The following TAFA1 variants were observed in gnomAD, a reference collection of about 807,000 sequenced individuals.
TAFA1 encodes the protein chemokine-like protein TAFA-1.
TAFA1 carries 4 observed loss-of-function variants against 18.5 expected under a neutral mutation model. That is an observed-to-expected ratio of 0.22 (90% CI 0.11 to 0.49). The LOEUF (loss-of-function observed/expected upper bound fraction) is 0.49. Among genes scored for constraint, TAFA1 ranks in the 20% least tolerant of loss-of-function variants. TAFA1 has a pLI of 0.98. For missense variants in TAFA1, 147 were observed against 169.0 expected (o/e 0.87, Z 0.72); for synonymous variants, 56 against 55.2 (o/e 1.01, Z -0.06).
intron 2 of TAFA1, among the ~76,000 whole-genome samples, chr3:68,048,079 G>C (rs933966874): frequency 6.6e-6 from 1 of 152,042 alleles, no homozygotes; most frequent in African/African-American, 2.4e-5. Context: ...CCCCAGAACT[G>C]CCTGTTTCCT....
chr3:68,003,747 T>G (rs1002337956), upstream of TAFA1, among the ~76,000 whole-genome samples: 5 of 152,158 alleles, frequency 3.3e-5, no homozygotes, highest in African/African-American at 1.2e-4. Context: ...ATTTCTTCAT[T>G]TGATGCTGAA....
chr3:68,322,493 A>T (rs1332379451), intron 2 of TAFA1, among the ~76,000 whole-genome samples: 4 of 152,138 alleles, frequency 2.6e-5, no homozygotes, highest in Non-Finnish European at 4.4e-5. Context: ...CCAGTTTTGG[A>T]GAAGTTACAT....
chr3:68,507,537 A>G (rs2072779189), intron 3 of TAFA1, among the ~76,000 whole-genome samples: 1 of 152,076 alleles, frequency 6.6e-6, no homozygotes, highest in South Asian at 2.1e-4. Context: ...CCTATACTTA[A>G]GCTGTGTTTG....
intron 2 of TAFA1, among the ~76,000 whole-genome samples, chr3:68,070,723 T>A (rs2064743214): frequency 6.6e-6 from 1 of 152,240 alleles, no homozygotes; most frequent in South Asian, 2.1e-4. Flanking sequence ...AATGTTTTGC[T>A]GCTTAGAAAT....
chr3:68,456,926 A>G (rs1038010735), intron 3 of TAFA1, among the ~76,000 whole-genome samples: 3 of 152,172 alleles, frequency 2.0e-5, no homozygotes, highest in Admixed American at 1.3e-4. Context: ...GAACACTTCA[A>G]CCATCACTAG....
chr3:68,368,371 C>T (rs1262037011), intron 2 of TAFA1, among the ~76,000 whole-genome samples: 2 of 152,292 alleles, frequency 1.3e-5, no homozygotes, highest in Admixed American at 1.3e-4. Flanking sequence ...GTTTCTCAGT[C>T]CCTGGTGGGA....
intron 2 of TAFA1, among the ~76,000 whole-genome samples, chr3:68,321,821 C>A (rs982849618): frequency 3.3e-5 from 5 of 152,188 alleles, no homozygotes; most frequent in African/African-American, 1.2e-4. Flanking sequence ...CAATAGTCTG[C>A]CATTTTAAAG....
intron 2 of TAFA1, among the ~76,000 whole-genome samples, chr3:68,409,664 C>T (rs1281451892): frequency 6.6e-6 from 1 of 152,108 alleles, no homozygotes; most frequent in African/African-American, 2.4e-5. Flanking sequence ...CAGACTAATA[C>T]AATCACCAAC....
intron 3 of TAFA1, among the ~76,000 whole-genome samples, chr3:68,447,625 A>G (rs1041805071): frequency 6.6e-6 from 1 of 152,212 alleles, no homozygotes; most frequent in Non-Finnish European, 1.5e-5. Context: ...GGTAGTTGAA[A>G]ATTTTAAAAA....
chr3:68,384,824 ACTTT>A (rs58640476), intron 2 of TAFA1, among the ~76,000 whole-genome samples: 16,646 of 151,954 alleles, frequency 0.11, 1,057 homozygotes, highest in East Asian at 0.29. Flanking sequence ...GTGTTCAAGA[ACTTT>A]CTTTATGAAT....
intron 2 of TAFA1, among the ~76,000 whole-genome samples, chr3:68,402,278 T>C (rs1182626496): frequency 6.6e-6 from 1 of 152,036 alleles, no homozygotes; most frequent in Admixed American, 6.6e-5. Context: ...CTGGAGAGGG[T>C]CTGTTAAGGG....
chr3:68,277,472 G>T (rs1423934252), intron 2 of TAFA1, among the ~76,000 whole-genome samples: 1 of 151,968 alleles, frequency 6.6e-6, no homozygotes, highest in Non-Finnish European at 1.5e-5. Context: ...CCAGGTTCCA[G>T]ACTGGAAAAG....
intron 2 of TAFA1, among the ~76,000 whole-genome samples, chr3:68,370,500 A>ATG (rs2069681900): frequency 2.0e-5 from 2 of 98,282 alleles, no homozygotes; most frequent in African/African-American, 7.5e-5. Context: ...ATATATATAT[A>ATG]TATATATATA....
rs893341263 is a variant in TAFA1 at position 68,309,176 on chromosome 3, A to C, written c.119-108104A>C. On this transcript the variant is annotated intron_variant, in intron 2 of 4. Transcript: ENST00000478136. ...CCTGAAAGCTCTGTAAAAGTGAAATATTTGTCTATTCTGTTTACCACTGGA... is the reference window on the plus strand; with the variant it reads ...CCTGAAAGCTCTGTAAAAGTGAAATCTTTGTCTATTCTGTTTACCACTGGA... Among the ~76,000 whole-genome samples the C allele has an allele frequency of 2.6e-5, 4 of 152,194 alleles. No individual in the cohort carries two copies. In the East Asian group the frequency reaches 5.8e-4, roughly 22 times the overall value.
At chr3:67,999,213 C>T in the TAFA1 span, among the ~76,000 whole-genome samples, 1 of 151,760 alleles carries the variant, frequency 6.6e-6, no homozygotes, top group Non-Finnish European at 1.5e-5. Context: ...GAACATCTTC[C>T]ACACTGCCGA....
intron 2 of TAFA1, among the ~76,000 whole-genome samples, chr3:68,373,389 A>G (rs183131273): frequency 6.6e-6 from 1 of 152,198 alleles, no homozygotes; most frequent in East Asian, 1.9e-4. Flanking sequence ...GTAAGTGGCA[A>G]AAGTGAGATT....
chr3:68,518,667 T>A (rs1248011395), intron 3 of TAFA1, among the ~76,000 whole-genome samples: 1 of 152,158 alleles, frequency 6.6e-6, no homozygotes. Context: ...AACCAACTAA[T>A]TGGCTGTTTC....
At chr3:68,202,760 T>A (rs1452979516) in intron 2 of TAFA1, among the ~76,000 whole-genome samples, 5 of 151,752 alleles carry the variant, frequency 3.3e-5, no homozygotes, top group African/African-American at 1.2e-4. Context: ...AAATAAGTAT[T>A]AGATATCCTA....
chr3:68,082,674 G>T (rs561336977), intron 2 of TAFA1, among the ~76,000 whole-genome samples: 1 of 152,126 alleles, frequency 6.6e-6, no homozygotes. Context: ...ATGATGATGA[G>T]TTTAGTTTTA....
Sources: allele counts gnomAD v4.1 joint callset (sites outside exome capture counted in the v4.1 genomes callset), GRCh38; gene constraint gnomAD v4.1.1; transcripts MANE v1.5; gene names NCBI Gene and HGNC (gene_info 2026-07-23, HGNC 2026-07-21).